TMEM117: variants seen among roughly 807,000 people sequenced by gnomAD.
TMEM117 encodes the protein transmembrane protein 117.
Under a neutral mutation model 52.4 loss-of-function variants are expected in TMEM117, and 27 were observed. The ratio of observed to expected loss-of-function variants is 0.51; its 90% CI spans 0.38 to 0.71. The LOEUF (loss-of-function observed/expected upper bound fraction) is 0.71, where lower values mean the gene tolerates loss of function less well. TMEM117 is among the 30% of genes least tolerant of loss of function. TMEM117 has a pLI of 0.00. For synonymous variants in TMEM117, 215 were observed against 206.3 expected, an observed-to-expected ratio of 1.04 and a Z score of -0.36; for missense variants, 556 against 630.5, an observed-to-expected ratio of 0.88 and a Z score of 1.26.
the TMEM117 span, among the ~76,000 whole-genome samples, chr12:43,826,043 A>T: frequency 6.6e-6 from 1 of 152,344 alleles, no homozygotes; most frequent in Admixed American, 6.5e-5. Flanking sequence ...CAGACTTTTA[A>T]AAAAACTCCA....
chr12:44,086,784 T>C (rs1592503985), intron 3 of TMEM117, among the ~76,000 whole-genome samples: 1 of 152,038 alleles, frequency 6.6e-6, no homozygotes, highest in African/African-American at 2.4e-5. Context: ...AGCCATGAAA[T>C]GCATGAGCAT....
At chr12:43,821,495 G>C in the TMEM117 span, among the ~76,000 whole-genome samples, 1 of 152,164 alleles carries the variant, frequency 6.6e-6, no homozygotes, top group Non-Finnish European at 1.5e-5. Context: ...TGCCCAGGCT[G>C]GTCTCAAACT....
intron 3 of TMEM117, among the ~76,000 whole-genome samples, chr12:44,140,205 A>G (rs1948551768): frequency 6.6e-6 from 1 of 152,144 alleles, no homozygotes; most frequent in South Asian, 2.1e-4. Flanking sequence ...AATACAGGAC[A>G]GTTATCTTCC....
chr12:44,398,078 G>T, the TMEM117 span, among the ~76,000 whole-genome samples: 1 of 147,298 alleles, frequency 6.8e-6, no homozygotes, highest in Non-Finnish European at 1.5e-5. Flanking sequence ...TCTGTGGGTG[G>T]TTGTTTTTTT....
At chr12:44,391,623 C>T (rs1952162450), downstream of TMEM117, among the ~76,000 whole-genome samples, 1 of 152,088 alleles carries the variant, frequency 6.6e-6, no homozygotes, top group African/African-American at 2.4e-5. Flanking sequence ...GCAATTTTAT[C>T]ACATTATTTG....
intron 6 of TMEM117, among the ~76,000 whole-genome samples, chr12:44,372,928 A>G (rs1951884350): frequency 6.6e-6 from 1 of 152,214 alleles, no homozygotes. Context: ...TTATCATTTT[A>G]TAATGTATGC....
At chr12:44,187,283 TG>T in intron 4 of TMEM117, among the ~76,000 whole-genome samples, 1 of 152,310 alleles carries the variant, frequency 6.6e-6, no homozygotes, top group Non-Finnish European at 1.5e-5. Context: ...TATTTTCATC[TG>T]TTTTTTGATC....
intron 5 of TMEM117, among the ~76,000 whole-genome samples, chr12:44,288,255 C>A (rs1431914961): frequency 6.6e-6 from 1 of 152,126 alleles, no homozygotes; most frequent in Non-Finnish European, 1.5e-5. Context: ...TCCCTCTTTT[C>A]TGTTTTCCAT....
intron 3 of TMEM117, among the ~76,000 whole-genome samples, chr12:44,061,839 G>C (rs776021297): frequency 2.0e-5 from 3 of 151,956 alleles, no homozygotes; most frequent in Non-Finnish European, 2.9e-5. Context: ...GGGAGTGAGA[G>C]ACTAAAGGTT....
intron 2 of TMEM117, among the ~76,000 whole-genome samples, chr12:43,892,463 T>G (rs1392709505): frequency 6.6e-6 from 1 of 152,156 alleles, no homozygotes; most frequent in Non-Finnish European, 1.5e-5. Flanking sequence ...TATATAAACA[T>G]TTTAGGCATA....
intron 4 of TMEM117, among the ~76,000 whole-genome samples, chr12:44,165,126 C>T (rs560550720): frequency 5.5e-4 from 83 of 152,288 alleles, no homozygotes; most frequent in South Asian, 1.2e-3. Context: ...TCATTCTACT[C>T]TCTACCTTCA....
intron 3 of TMEM117, among the ~76,000 whole-genome samples, chr12:44,099,747 A>G (rs1405940542): frequency 1.3e-5 from 2 of 152,034 alleles, no homozygotes; most frequent in Non-Finnish European, 1.5e-5. Context: ...GAGGAGGAGC[A>G]TGAGAAAGAA....
At chr12:43,870,136 G>A (rs949249168) in intron 2 of TMEM117, among the ~76,000 whole-genome samples, 12 of 152,120 alleles carry the variant, frequency 7.9e-5, no homozygotes, top group Admixed American at 7.2e-4. Context: ...TACATGGTAT[G>A]TATGTACCAT....
intron 3 of TMEM117, among the ~76,000 whole-genome samples, chr12:44,080,468 G>A (rs1439977864): frequency 6.6e-6 from 1 of 152,032 alleles, no homozygotes; most frequent in African/African-American, 2.4e-5. Flanking sequence ...GGAGATTAGG[G>A]GAACTAAAAT....
chr12:43,822,382 T>C, the TMEM117 span, among the ~76,000 whole-genome samples: 1 of 152,234 alleles, frequency 6.6e-6, no homozygotes, highest in East Asian at 1.9e-4. Context: ...TTAATGATTT[T>C]CCAGTAATGA....
intron 3 of TMEM117, among the ~76,000 whole-genome samples, chr12:44,005,450 A>G (rs1000077792): frequency 6.6e-6 from 1 of 152,218 alleles, no homozygotes; most frequent in African/African-American, 2.4e-5. Flanking sequence ...CTAATAGGGT[A>G]AAGAAGAAAA....
At chr12:44,158,512 A>T (rs1948857718) in intron 4 of TMEM117, among the ~76,000 whole-genome samples, 1 of 152,142 alleles carries the variant, frequency 6.6e-6, no homozygotes, top group African/African-American at 2.4e-5. Flanking sequence ...ATAGTTTGAC[A>T]TTTCTTGAAA....
chr12:43,858,102 C>T (rs983595088), intron 2 of TMEM117, among the ~76,000 whole-genome samples: 1 of 152,174 alleles, frequency 6.6e-6, no homozygotes, highest in African/African-American at 2.4e-5. Flanking sequence ...TTGAGTATCA[C>T]AGGTGGTCCA....
At chr12:44,205,620 T>C (rs931338709) in intron 4 of TMEM117, among the ~76,000 whole-genome samples, 1 of 151,988 alleles carries the variant, frequency 6.6e-6, no homozygotes, top group Non-Finnish European at 1.5e-5. Flanking sequence ...CAGACACTTA[T>C]CAAAGGAAGA....
Sources: allele counts gnomAD v4.1 joint callset (sites outside exome capture counted in the v4.1 genomes callset), GRCh38; gene constraint gnomAD v4.1.1; transcripts MANE v1.5; gene names NCBI Gene and HGNC (gene_info 2026-07-23, HGNC 2026-07-21).